Variants in DNAJB4 observed in about 807,000 individuals in gnomAD.
DNAJB4 encodes DnaJ heat shock protein family (Hsp40) member B4.
Under a neutral mutation model 26.6 loss-of-function variants are expected in DNAJB4, and 10 were observed. That is an observed-to-expected ratio of 0.38 (90% CI 0.23 to 0.64). DNAJB4 has a LOEUF of 0.64. DNAJB4 is among the 30% of genes least tolerant of loss of function. The pLI is 0.58. For synonymous variants in DNAJB4, 136 were observed against 134.8 expected (o/e 1.01, Z -0.06); for missense variants, 328 against 408.2 (o/e 0.80, Z 1.69).
intron 1 of DNAJB4, among the ~76,000 whole-genome samples, chr1:78,007,044 A>G (rs1660344833): frequency 6.6e-6 from 1 of 152,162 alleles, no homozygotes; most frequent in Admixed American, 6.5e-5. Context: ...TCTTGATTTA[A>G]CATTATCTCT....
At chr1:77,979,948 T>C (rs1160683118), upstream of DNAJB4, among the ~76,000 whole-genome samples, 1 of 152,060 alleles carries the variant, frequency 6.6e-6, no homozygotes, top group Non-Finnish European at 1.5e-5. Context: ...AGTGGCGCGG[T>C]CTCGGCTCAC....
chr1:78,005,509 A>C (rs981139455), intron 1 of DNAJB4, among the ~76,000 whole-genome samples, 188 bp downstream of exon 1: 2 of 152,188 alleles, frequency 1.3e-5, no homozygotes, highest in African/African-American at 4.8e-5. Flanking sequence ...CATATGAATG[A>C]GTATTGCAGA....
chr1:78,016,332 G>A lies in DNAJB4; in HGVS notation c.*85G>A. On this transcript the variant is annotated 3_prime_UTR_variant, in exon 3 of 3. Coordinates refer to ENST00000370763, the MANE Select transcript of DNAJB4 (RefSeq NM_007034.5). Reference sequence around the variant, plus strand: ...GTTTACTGATGTAGATGTGAATTCTGTATAAAGATGTGTAAATTCTTTTGA... The same window carrying A: ...GTTTACTGATGTAGATGTGAATTCTATATAAAGATGTGTAAATTCTTTTGA... The A allele has an allele frequency of 1.1e-5, 12 of 1,140,810 alleles. No homozygotes were observed. The highest frequency in any genetic ancestry group is 2.5e-5 in the East Asian group (1 of 40,816). 70.7% of individuals were successfully genotyped at this position (1,140,810 alleles called of 1,614,324 possible).
chr1:78,015,109 T>G (rs1369566065), intron 2 of DNAJB4, among the ~76,000 whole-genome samples: 1 of 152,252 alleles, frequency 6.6e-6, no homozygotes, highest in Non-Finnish European at 1.5e-5. Context: ...AGTATTATAA[T>G]GGCTAGTTTG....
At chr1:78,005,405 C>A in intron 1 of DNAJB4, 84 bp downstream of exon 1, 1 of 1,165,866 alleles carries the variant, frequency 8.6e-7, no homozygotes, top group Non-Finnish European at 1.2e-6. Flanking sequence ...TTTTTCCCCT[C>A]TCTCTCAGCT....
intron 1 of DNAJB4, among the ~76,000 whole-genome samples, chr1:78,007,189 T>G (rs1033315589): frequency 3.3e-5 from 5 of 152,136 alleles, no homozygotes; most frequent in Non-Finnish European, 7.3e-5. Context: ...ATAATTGATA[T>G]AAGTGATAGA....
intron 1 of DNAJB4, among the ~76,000 whole-genome samples, chr1:77,994,094 A>G (rs2102595327): frequency 6.6e-6 from 1 of 152,332 alleles, no homozygotes; most frequent in East Asian, 1.9e-4. Flanking sequence ...AAAGTTTGGT[A>G]CTGATTTAAA....
intron 1 of DNAJB4, among the ~76,000 whole-genome samples, chr1:77,999,812 ACCAAGT>A (rs1289056975): frequency 2.8e-4 from 43 of 152,312 alleles, no homozygotes; most frequent in African/African-American, 9.6e-4. Context: ...GAGATTAGAA[ACCAAGT>A]ATTCAGATTT....
chr1:78,012,695 G>C (rs913322883), intron 1 of DNAJB4, among the ~76,000 whole-genome samples: 3 of 152,074 alleles, frequency 2.0e-5, no homozygotes, highest in African/African-American at 7.2e-5. Context: ...TGTAATCCCA[G>C]CTACTCGGGA....
At chr1:77,988,781 G>A (rs534641523) in intron 1 of DNAJB4, among the ~76,000 whole-genome samples, 3 of 152,212 alleles carry the variant, frequency 2.0e-5, no homozygotes, top group African/African-American at 4.8e-5. Context: ...ACAACTTACA[G>A]TATTTAAAAA....
At position 77,983,535 on chromosome 1, in the gene DNAJB4, C is replaced by T. The variant is rs140060613; in HGVS notation, c.-32+3213C>T. On this transcript the variant is annotated intron_variant, in intron 1 of 2. Coordinates refer to the DNAJB4 transcript ENST00000426517. ...TGGCTTTCGTAGGCAGAGGTCCCTG[C>T]GGCCTTCCACAGTTTTTGTGTCCCT... Among the ~76,000 whole-genome samples the T allele has an allele frequency of 9.9e-5, 15 of 152,264 alleles. No individual in the cohort carries two copies. The East Asian group carries it at 1.2e-3, about 12-fold the overall frequency.
upstream of DNAJB4, among the ~76,000 whole-genome samples, chr1:78,002,730 G>A (rs950925097): frequency 4.2e-4 from 64 of 152,068 alleles, no homozygotes; most frequent in Admixed American, 4.0e-3. Context: ...CAACAATCGC[G>A]TAAATCACGA....
chr1:78,004,712 T>C (rs563198389), upstream of DNAJB4: 63 of 186,142 alleles, frequency 3.4e-4, no homozygotes, highest in Middle Eastern at 2.6e-3. Context: ...CCATTTGTCC[T>C]GTTTAATTAG....
chr1:78,014,014 AC>A (rs2102615376), intron 2 of DNAJB4, among the ~76,000 whole-genome samples: 1 of 152,088 alleles, frequency 6.6e-6, no homozygotes, highest in Non-Finnish European at 1.5e-5. Context: ...AAATTTGTAT[AC>A]ATTTATATTA....
At chr1:77,983,544 A>G (rs933425984) in intron 1 of DNAJB4, among the ~76,000 whole-genome samples, 1 of 152,106 alleles carries the variant, frequency 6.6e-6, no homozygotes, top group South Asian at 2.1e-4. Context: ...GCGGCCTTCC[A>G]CAGTTTTTGT....
intron 1 of DNAJB4, among the ~76,000 whole-genome samples, chr1:77,989,976 G>T (rs1393929815): frequency 6.6e-6 from 1 of 152,142 alleles, no homozygotes; most frequent in Non-Finnish European, 1.5e-5. Context: ...CATCTCATTG[G>T]CTAGAACCAT....
At position 78,013,359 on chromosome 1, in the gene DNAJB4, G is replaced by A. The variant is rs1405622127; in HGVS notation, c.520G>A (p.Gly174Ser). ...AGTATCACTTGAAGAGATATATAGT[G>A]GTTGTACCAAACGGATGAAGATTTC... ...LRVSLEEIYS[G>S]CTKRMKISRK... Residue 174 changes from glycine to serine, a missense_variant, in exon 2 of 3, where the codon GGT becomes AGT. Gly to Ser is a moderately conservative substitution (Grantham distance 56). Transcript: ENST00000370763. 1.2e-6 allele frequency: 2 copies of A among 1,613,990 alleles called. No homozygotes were observed. Among genetic ancestry groups the A allele is most frequent in the East Asian group, 2.2e-5 (1 of 44,896 alleles).
chr1:78,013,759 A>G (rs2102615155), intron 2 of DNAJB4, 140 bp downstream of exon 2: 1 of 669,372 alleles, frequency 1.5e-6, no homozygotes, highest in East Asian at 2.9e-5. Flanking sequence ...CTAAGATAGT[A>G]CTAGTATTAT....
chr1:78,011,575 C>T (rs372653664), intron 1 of DNAJB4, among the ~76,000 whole-genome samples: 11 of 151,544 alleles, frequency 7.3e-5, no homozygotes, highest in Non-Finnish European at 1.3e-4. Context: ...ACCTCTGCCT[C>T]CCAGGTTCAA....
Sources: allele counts gnomAD v4.1 joint callset (sites outside exome capture counted in the v4.1 genomes callset), GRCh38; gene constraint gnomAD v4.1.1; transcripts MANE v1.5; gene names NCBI Gene and HGNC (gene_info 2026-07-23, HGNC 2026-07-21).